The following ANKRD6 variants were observed in gnomAD, a reference collection of about 807,000 sequenced individuals.
The protein encoded by ANKRD6 is ankyrin repeat domain-containing protein 6.
In ANKRD6, 56 loss-of-function variants were observed where a neutral mutation model predicts 82.3. That is an observed-to-expected ratio of 0.68 (90% confidence interval 0.55 to 0.85). The LOEUF (loss-of-function observed/expected upper bound fraction) is 0.85, where lower values mean the gene tolerates loss of function less well. ANKRD6 is among the 40% of genes least tolerant of loss of function. ANKRD6 has a pLI of 0.00. For synonymous variants in ANKRD6, 347 were observed against 352.1 expected, an observed-to-expected ratio of 0.99 and a Z score of 0.16; for missense variants, 852 against 907.6, an observed-to-expected ratio of 0.94 and a Z score of 0.79.
intron 1 of ANKRD6, among the ~76,000 whole-genome samples, chr6:89,458,562 A>C (rs1409269211): frequency 1.3e-5 from 2 of 152,186 alleles, no homozygotes; most frequent in African/African-American, 4.8e-5. Flanking sequence ...AAGAACCTGG[A>C]GTCTGATGTT....
At position 89,533,855 on chromosome 6, in the gene ANKRD6, A is replaced by G. The variant is rs905629077; in HGVS notation, c.-143-32979A>G. Among the ~76,000 whole-genome samples, 5 of 151,898 alleles carry G rather than the reference A, an allele frequency of 3.3e-5. No individual in the cohort carries two copies. The South Asian group carries it at 6.2e-4, about 19-fold the overall frequency. The stretch of plus-strand genomic sequence containing the variant: ...ACTTACAGTGACTGAGTGGGAGCCA[A>G]TTGGGGAAGCTGCTTTCTTTGAGTT... On this transcript the variant is annotated intron_variant, in intron 1 of 15. Coordinates refer to ENST00000339746, the MANE Select transcript of ANKRD6 (RefSeq NM_001242809.2).
intron 1 of ANKRD6, among the ~76,000 whole-genome samples, chr6:89,489,154 C>T (rs545073856): frequency 1.8e-4 from 27 of 152,230 alleles, no homozygotes; most frequent in African/African-American, 6.0e-4. Flanking sequence ...TGCCACAGGG[C>T]TGGGCAGGAA....
At chr6:89,517,145 C>T (rs931598943) in intron 1 of ANKRD6, among the ~76,000 whole-genome samples, 1 of 152,240 alleles carries the variant, frequency 6.6e-6, no homozygotes, top group Non-Finnish European at 1.5e-5. Flanking sequence ...GCTTGTGTTA[C>T]AGGCGTAAGC....
intron 1 of ANKRD6, among the ~76,000 whole-genome samples, chr6:89,443,382 T>C (rs1270857662): frequency 1.3e-5 from 2 of 152,232 alleles, no homozygotes; most frequent in Non-Finnish European, 2.9e-5. Context: ...TTCTCAGCCT[T>C]ACTCCATAGA....
At chr6:89,581,961 A>C (rs188214089) in intron 2 of ANKRD6, among the ~76,000 whole-genome samples, 173 of 152,308 alleles carry the variant, frequency 1.1e-3, no homozygotes, top group Non-Finnish European at 1.5e-3. Flanking sequence ...AAGTCAAACA[A>C]AATCTGCTTG....
intron 1 of ANKRD6, among the ~76,000 whole-genome samples, chr6:89,534,662 C>T (rs1435086726): frequency 6.6e-6 from 1 of 152,206 alleles, no homozygotes; most frequent in Non-Finnish European, 1.5e-5. Flanking sequence ...TGCCCAGGGA[C>T]TTTCCAGGTG....
At chr6:89,534,693 T>G (rs917891357) in intron 1 of ANKRD6, among the ~76,000 whole-genome samples, 2 of 152,144 alleles carry the variant, frequency 1.3e-5, no homozygotes, top group Non-Finnish European at 2.9e-5. Flanking sequence ...GTGGTGAGCA[T>G]TAACAGGGTT....
At chr6:89,595,178 A>G (rs1007693760) in intron 2 of ANKRD6, among the ~76,000 whole-genome samples, 19 of 152,166 alleles carry the variant, frequency 1.2e-4, no homozygotes, top group African/African-American at 4.6e-4. Context: ...AGCCTGGCCA[A>G]CATGGTGAAA....
chr6:89,592,944 C>T (rs748579996), intron 2 of ANKRD6, among the ~76,000 whole-genome samples: 9 of 152,270 alleles, frequency 5.9e-5, no homozygotes, highest in Non-Finnish European at 1.2e-4. Flanking sequence ...CATGGTGGCA[C>T]GCACCTGTAG....
At chr6:89,574,215 G>A (rs1427705105) in intron 2 of ANKRD6, among the ~76,000 whole-genome samples, 2 of 152,204 alleles carry the variant, frequency 1.3e-5, no homozygotes, top group Non-Finnish European at 2.9e-5. Flanking sequence ...AGATCATCCT[G>A]TGCTATTGGG....
chr6:89,598,381 C>T (rs1452100606), intron 3 of ANKRD6: 3 of 985,222 alleles, frequency 3.0e-6, no homozygotes, highest in Non-Finnish European at 3.6e-6. Context: ...TAAGAAAAAC[C>T]ACAGAGGGAA....
At chr6:89,620,933 G>T (rs1282389501) in intron 9 of ANKRD6, among the ~76,000 whole-genome samples, 1 of 152,052 alleles carries the variant, frequency 6.6e-6, no homozygotes, top group Admixed American at 6.5e-5. Flanking sequence ...GCCAGGCATG[G>T]TGGCGGGCGC....
At chr6:89,570,770 C>T (rs1189880073) in intron 2 of ANKRD6, among the ~76,000 whole-genome samples, 2 of 152,230 alleles carry the variant, frequency 1.3e-5, no homozygotes, top group Admixed American at 1.3e-4. Flanking sequence ...GTATATGCCA[C>T]ATCTGGTTTA....
intron 2 of ANKRD6, 144 bp from the exon 3 acceptor site, chr6:89,595,772 A>G (rs146434600): frequency 5.7e-4 from 362 of 639,052 alleles, no homozygotes; most frequent in African/African-American, 5.4e-3. Context: ...TGGTTAACCC[A>G]TAAGAATCTC....
rs1431495134 is a variant in ANKRD6 at position 89,632,454 on chromosome 6, TGTCACCCAGAC to T, written c.*1451_*1461del. ...ATTTTGTTGAGACAGGGTCTTGCTC[TGTCACCCAGAC>T]TGGAGTGCAGTGGCATGATCACACC... On this transcript the variant is annotated 3_prime_UTR_variant, in exon 16 of 16. Coordinates refer to ENST00000339746, the MANE Select transcript of ANKRD6 (RefSeq NM_001242809.2). 1.3e-5 allele frequency: 2 copies of T among 152,210 alleles called. No homozygotes were observed. Among genetic ancestry groups the T allele is most frequent in the East Asian group, 3.8e-4 (2 of 5,200 alleles). The allele number at this position is 152,210 out of a possible 1,614,324, so 9.4% of individuals were successfully genotyped here.
At chr6:89,608,354 T>TACACAC (rs540574068) in intron 5 of ANKRD6, among the ~76,000 whole-genome samples, 1 of 137,382 alleles carries the variant, frequency 7.3e-6, no homozygotes, top group African/African-American at 2.9e-5. Context: ...CCCTCCCTAA[T>TACACAC]ACACACACAC....
At chr6:89,455,090 C>G (rs1354426444) in intron 1 of ANKRD6, among the ~76,000 whole-genome samples, 1 of 150,680 alleles carries the variant, frequency 6.6e-6, no homozygotes, top group Non-Finnish European at 1.5e-5. Context: ...GTGATCTGCC[C>G]ACCTTGGTCT....
intron 1 of ANKRD6, among the ~76,000 whole-genome samples, chr6:89,533,872 C>CTT (rs1387857038): frequency 6.6e-6 from 1 of 152,016 alleles, no homozygotes; most frequent in Non-Finnish European, 1.5e-5. Flanking sequence ...AAGCTGCTTT[C>CTT]TTTGAGTTGG....
At chr6:89,526,356 T>C (rs1010869842) in intron 1 of ANKRD6, among the ~76,000 whole-genome samples, 3 of 152,192 alleles carry the variant, frequency 2.0e-5, no homozygotes, top group African/African-American at 7.2e-5. Context: ...AGTTTGAGCC[T>C]TCCATTCCCT....
Sources: gnomAD v4.1 joint callset for allele counts (sites outside exome capture counted in the v4.1 genomes callset) on GRCh38, gnomAD v4.1.1 for gene constraint, MANE v1.5 for transcripts, NCBI Gene and HGNC (gene_info 2026-07-23, HGNC 2026-07-21) for gene names.